The following EPHB1 variants were observed in gnomAD, a reference collection of about 807,000 sequenced individuals.
The protein encoded by EPHB1 is ephrin type-B receptor 1.
In EPHB1, 30 loss-of-function variants were observed where a neutral mutation model predicts 94.4. That is an observed-to-expected ratio of 0.32 (90% confidence interval 0.24 to 0.43). The LOEUF is 0.43. Ranked by LOEUF, EPHB1 falls within the 20% of genes least tolerant of loss-of-function variation. The pLI, the probability that EPHB1 is intolerant of heterozygous loss-of-function variation, is 1.00. For missense variants in EPHB1, 1,055 were observed against 1,308.3 expected, an observed-to-expected ratio of 0.81 and a Z score of 2.99; for synonymous variants, 522 against 489.1, an observed-to-expected ratio of 1.07 and a Z score of -0.89.
chr3:135,042,611 C>T (rs1433673024), intron 3 of EPHB1, among the ~76,000 whole-genome samples: 1 of 152,282 alleles, frequency 6.6e-6, no homozygotes, highest in African/African-American at 2.4e-5. Context: ...TGGTCTGGGT[C>T]TTGCTTATTG....
At chr3:134,985,961 C>A (rs1278051947) in intron 3 of EPHB1, among the ~76,000 whole-genome samples, 1 of 152,090 alleles carries the variant, frequency 6.6e-6, no homozygotes, top group Non-Finnish European at 1.5e-5. Flanking sequence ...TCAGGAGTCA[C>A]ACATGCAGAA....
At chr3:135,080,910 T>C (rs910857076) in intron 3 of EPHB1, among the ~76,000 whole-genome samples, 1 of 152,178 alleles carries the variant, frequency 6.6e-6, no homozygotes, top group Non-Finnish European at 1.5e-5. Context: ...GCACTGCTAT[T>C]GTGTTGTTTT....
intron 1 of EPHB1, among the ~76,000 whole-genome samples, chr3:134,803,701 C>G (rs1256101725): frequency 6.6e-6 from 1 of 152,206 alleles, no homozygotes; most frequent in East Asian, 1.9e-4. Context: ...GTAGCTGAGG[C>G]TTTGAGAAGT....
intron 1 of EPHB1, among the ~76,000 whole-genome samples, chr3:134,914,010 G>A (rs1207792567): frequency 6.6e-6 from 1 of 152,200 alleles, no homozygotes; most frequent in Non-Finnish European, 1.5e-5. Context: ...GGTGGAGGCT[G>A]TACCGAGAGC....
At chr3:134,882,687 T>TCTTCTTTC (rs767848915) in intron 1 of EPHB1, among the ~76,000 whole-genome samples, 1 of 150,636 alleles carries the variant, frequency 6.6e-6, no homozygotes, top group Non-Finnish European at 1.5e-5. Context: ...CTTCTTTCCT[T>TCTTCTTTC]CTTCTTTCCT....
intron 3 of EPHB1, among the ~76,000 whole-genome samples, chr3:135,027,356 A>G (rs1488491376): frequency 1.4e-5 from 2 of 146,948 alleles, no homozygotes; most frequent in African/African-American, 5.0e-5. Flanking sequence ...TGGGTTTGTC[A>G]TAGATAGCTC....
chr3:135,050,296 C>G (rs73864239), intron 3 of EPHB1, among the ~76,000 whole-genome samples: 1 of 152,222 alleles, frequency 6.6e-6, no homozygotes, highest in Non-Finnish European at 1.5e-5. Context: ...TGACCACCTA[C>G]AGCCACTGTT....
intron 11 of EPHB1, among the ~76,000 whole-genome samples, chr3:135,200,701 G>GAC (rs138269829): frequency 2.6e-5 from 4 of 151,862 alleles, no homozygotes; most frequent in African/African-American, 7.3e-5. Flanking sequence ...CAGACAGAAA[G>GAC]ACACACACAC....
intron 3 of EPHB1, among the ~76,000 whole-genome samples, chr3:135,086,561 A>C (rs988473941): frequency 2.0e-5 from 3 of 151,748 alleles, no homozygotes; most frequent in East Asian, 3.9e-4. Context: ...GCCTTTATGC[A>C]TGACATTTTC....
At chr3:135,005,088 T>C (rs1454621810) in intron 3 of EPHB1, among the ~76,000 whole-genome samples, 2 of 152,250 alleles carry the variant, frequency 1.3e-5, no homozygotes. Flanking sequence ...ATCTTTGTGG[T>C]TTTATCCACT....
At chr3:135,038,429 G>A (rs1202669178) in intron 3 of EPHB1, among the ~76,000 whole-genome samples, 3 of 152,176 alleles carry the variant, frequency 2.0e-5, no homozygotes, top group South Asian at 2.1e-4. Flanking sequence ...TGCAAGAGGG[G>A]AGTACATAGA....
At chr3:135,055,803 T>G (rs1052185380) in intron 3 of EPHB1, among the ~76,000 whole-genome samples, 2 of 152,192 alleles carry the variant, frequency 1.3e-5, no homozygotes, top group African/African-American at 4.8e-5. Flanking sequence ...TGCTGTCATT[T>G]CTAGGGTGAA....
intron 1 of EPHB1, among the ~76,000 whole-genome samples, chr3:134,907,875 C>T (rs1447326465): frequency 6.6e-6 from 1 of 152,206 alleles, no homozygotes; most frequent in East Asian, 1.9e-4. Flanking sequence ...CATGTTCTCC[C>T]CTCTCCAGCC....
At chr3:134,968,851 C>T (rs1226796773) in intron 3 of EPHB1, among the ~76,000 whole-genome samples, 1 of 152,136 alleles carries the variant, frequency 6.6e-6, no homozygotes, top group Admixed American at 6.5e-5. Context: ...CAGCATAATG[C>T]CTGCGAGATT....
intron 3 of EPHB1, among the ~76,000 whole-genome samples, chr3:135,076,906 A>T (rs1013890532): frequency 6.6e-6 from 1 of 152,192 alleles, no homozygotes; most frequent in African/African-American, 2.4e-5. Context: ...CAGAAAGTAG[A>T]TAAGTGGTTG....
At chr3:135,123,688 T>C (rs572728918) in intron 4 of EPHB1, among the ~76,000 whole-genome samples, 1 of 152,044 alleles carries the variant, frequency 6.6e-6, no homozygotes, top group South Asian at 2.1e-4. Flanking sequence ...TGGGCCTTTG[T>C]TTTCTTATTG....
At chr3:135,083,523 A>T (rs535956503) in intron 3 of EPHB1, among the ~76,000 whole-genome samples, 1 of 151,928 alleles carries the variant, frequency 6.6e-6, no homozygotes. Context: ...GAAAATACAG[A>T]AGAGAGGATG....
chr3:134,846,948 A>G (rs1026683023), intron 1 of EPHB1, among the ~76,000 whole-genome samples: 7 of 152,180 alleles, frequency 4.6e-5, no homozygotes, highest in Admixed American at 6.5e-5. Flanking sequence ...TGCAGACAGA[A>G]TGATTTCATT....
intron 15 of EPHB1, among the ~76,000 whole-genome samples, chr3:135,256,314 C>G (rs937279173): frequency 2.2e-4 from 34 of 152,164 alleles, no homozygotes; most frequent in South Asian, 4.2e-4. Flanking sequence ...TTCCTAGTCT[C>G]AATGGTCTTT....
Sources: allele counts gnomAD v4.1 joint callset (sites outside exome capture counted in the v4.1 genomes callset), GRCh38; gene constraint gnomAD v4.1.1; transcripts MANE v1.5; gene names NCBI Gene and HGNC (gene_info 2026-07-23, HGNC 2026-07-21).